The following PRKCE variants were observed in gnomAD, a reference collection of about 807,000 sequenced individuals.
PRKCE encodes the protein protein kinase C epsilon type.
Under a neutral mutation model 85.4 loss-of-function variants are expected in PRKCE, and 16 were observed. The observed-to-expected ratio is 0.19, with a 90% CI of 0.13 to 0.28. The LOEUF is 0.28. Among genes scored for constraint, PRKCE ranks in the 10% least tolerant of loss-of-function variants. The probability of loss-of-function intolerance (pLI) is 1.00; values close to 1 mark genes in which losing one functional copy is unlikely to be tolerated. For synonymous variants in PRKCE, 388 were observed against 371.5 expected (o/e 1.04, Z -0.51); for missense variants, 573 against 975.2 (o/e 0.59, Z 5.49).
chr2:45,870,236 G>A (rs749918649), intron 2 of PRKCE, among the ~76,000 whole-genome samples: 1 of 152,176 alleles, frequency 6.6e-6, no homozygotes, highest in African/African-American at 2.4e-5. Flanking sequence ...GGTTGACTAG[G>A]TTGCTAGAAA....
chr2:45,761,461 C>T (rs1684494836), intron 1 of PRKCE, among the ~76,000 whole-genome samples: 2 of 151,880 alleles, frequency 1.3e-5, no homozygotes, highest in South Asian at 4.2e-4. Context: ...TTACCTACAA[C>T]ACTTATGTCA....
At chr2:45,669,719 A>G (rs1676068433) in intron 1 of PRKCE, among the ~76,000 whole-genome samples, 1 of 152,226 alleles carries the variant, frequency 6.6e-6, no homozygotes, top group Admixed American at 6.5e-5. Flanking sequence ...TGAAAATTAA[A>G]ATGTATATCG....
intron 1 of PRKCE, among the ~76,000 whole-genome samples, chr2:45,758,869 T>C (rs1684214980): frequency 6.6e-6 from 1 of 152,220 alleles, no homozygotes. Flanking sequence ...CTCAGCCTCC[T>C]CACCTGTAAA....
intron 14 of PRKCE, among the ~76,000 whole-genome samples, chr2:46,161,012 CA>C (rs1320454657): frequency 2.6e-5 from 4 of 152,238 alleles, no homozygotes; most frequent in African/African-American, 9.6e-5. Context: ...CTGGATAGCA[CA>C]AGCTTGGGAC....
intron 2 of PRKCE, among the ~76,000 whole-genome samples, chr2:45,960,826 C>T (rs916894403): frequency 2.0e-5 from 3 of 152,226 alleles, no homozygotes; most frequent in African/African-American, 7.2e-5. Context: ...TCCTGCCTCA[C>T]TCTCCTTGCA....
At chr2:45,747,441 A>G (rs114501040) in intron 1 of PRKCE, among the ~76,000 whole-genome samples, 2,481 of 152,334 alleles carry the variant, frequency 0.016, 40 homozygotes, top group Middle Eastern at 0.044. Flanking sequence ...GCTACCTCAC[A>G]TAAGTGGGAT....
intron 14 of PRKCE, among the ~76,000 whole-genome samples, chr2:46,172,288 G>A (rs1039308810): frequency 6.6e-5 from 10 of 152,208 alleles, no homozygotes; most frequent in African/African-American, 2.2e-4. Context: ...GGCACTTAGC[G>A]ACATATCCAG....
intron 10 of PRKCE, among the ~76,000 whole-genome samples, chr2:46,012,304 C>T (rs1705751728): frequency 6.6e-6 from 1 of 151,178 alleles, no homozygotes. Context: ...CTTTTCTTTT[C>T]CTTTTTTTTT....
intron 2 of PRKCE, among the ~76,000 whole-genome samples, chr2:45,872,752 T>C (rs1233459745): frequency 6.6e-6 from 1 of 152,202 alleles, no homozygotes; most frequent in Non-Finnish European, 1.5e-5. Context: ...TTAACTGATA[T>C]GGGCCAGACC....
At chr2:46,126,001 C>A (rs35744969) in intron 11 of PRKCE, among the ~76,000 whole-genome samples, 36,366 of 152,128 alleles carry the variant, frequency 0.24, 4,598 homozygotes, top group Middle Eastern at 0.38. Flanking sequence ...GACCGCCAAG[C>A]CAGAGCCCTA....
intron 1 of PRKCE, among the ~76,000 whole-genome samples, chr2:45,771,023 A>C: frequency 6.6e-6 from 1 of 152,140 alleles, no homozygotes; most frequent in Non-Finnish European, 1.5e-5. Context: ...TGTTCCCTCC[A>C]AGCGTACTTT....
rs76145422 is a variant in PRKCE, at chr2:45,958,950, T to C, written c.413-17479T>C. 4.6e-3 allele frequency among the ~76,000 whole-genome samples: 686 copies of C among 148,328 alleles called. 5 individuals carry two copies. The highest frequency in any genetic ancestry group is 0.016 in the African/African-American group (660 of 40,354). On this transcript the variant is annotated intron_variant, in intron 2 of 14. Transcript: ENST00000306156. ...CTGATCTCTAGAAAGGTCTTCAGGC[T>C]AGCTATTAACATCAGAAAGAGCCAC...
chr2:45,984,555 G>A lies in PRKCE; in HGVS notation c.698G>A (p.Gly233Asp). Residue 233 changes from glycine (G) to aspartate (D), a missense_variant, in exon 6 of 15, where the codon GGC becomes GAC. By Grantham distance (94) the Gly-to-Asp change is moderately conservative. This residue lies in a region of PRKCE where 18 missense variants were observed against 17.4 expected (regional missense o/e 1.04). Transcript: ENST00000306156. ...TGTATCTTGCCATCCCTGCAGGTGGGCTCCCAGCGGTTCAGCGTCAACATG... is the reference window on the plus strand; with the variant it reads ...TGTATCTTGCCATCCCTGCAGGTGGACTCCCAGCGGTTCAGCGTCAACATG... ...LKKQETPDQVGSQRFSVNMPH... is the reference protein window; with the variant it reads ...LKKQETPDQVDSQRFSVNMPH... The A allele has an allele frequency of 6.3e-7, 1 of 1,599,580 alleles. No homozygotes were observed. Among genetic ancestry groups the A allele is most frequent in the Non-Finnish European group, 8.5e-7 (1 of 1,179,828 alleles).
chr2:45,692,304 C>G (rs1442792516), intron 1 of PRKCE, among the ~76,000 whole-genome samples: 1 of 152,150 alleles, frequency 6.6e-6, no homozygotes, highest in African/African-American at 2.4e-5. Context: ...GCCATGTTCC[C>G]TCTGAAACAT....
intron 2 of PRKCE, among the ~76,000 whole-genome samples, chr2:45,919,790 G>C (rs1333146246): frequency 1.3e-5 from 2 of 152,218 alleles, no homozygotes; most frequent in African/African-American, 4.8e-5. Context: ...CATGTGTGGA[G>C]TCCCTTCTGC....
chr2:46,169,269 T>G (rs1678652350), intron 14 of PRKCE, among the ~76,000 whole-genome samples: 1 of 152,212 alleles, frequency 6.6e-6, no homozygotes, highest in Admixed American at 6.5e-5. Flanking sequence ...AGAATTAGGT[T>G]TGGCCTAAAC....
Position 46,004,602 on chromosome 2 carries a change from C to T in PRKCE, c.1027C>T (p.Arg343Ter). The T allele has an allele frequency of 6.3e-7, 1 of 1,591,138 alleles. No homozygotes were observed. The highest frequency in any genetic ancestry group is 8.5e-7 in the Non-Finnish European group (1 of 1,175,992). ...ASGSSPSEEDRSKSAPTSPCD... is the reference protein window; with the variant it reads ...ASGSSPSEED ...TGGAAGCTCACCATCTGAGGAAGAT[C>T]GATCCAAGTCAGCACCCACCTCCCC... is the stretch of plus-strand genomic sequence containing the variant. The change falls in exon 8 of 15, where the codon CGA (arginine) becomes TGA (stop). Residue 343 changes from arginine (R) to a stop codon, truncating the protein, a stop_gained. Transcript: ENST00000306156. LOFTEE classifies it high-confidence loss of function. The surrounding 1 kb of genome is among the most constrained non-coding windows in gnomAD (Gnocchi z 4.1).
chr2:46,050,026 A>G (rs540814062), intron 10 of PRKCE, among the ~76,000 whole-genome samples: 1 of 152,250 alleles, frequency 6.6e-6, no homozygotes, highest in South Asian at 2.1e-4. Flanking sequence ...GGAAACCTAA[A>G]GTTCTTGCAG....
In PRKCE at chr2:45,697,574, T is replaced by C. The variant is rs1308172600; in HGVS notation, c.348+45126T>C. Among the ~76,000 whole-genome samples, 1 of 152,114 alleles carries C rather than the reference T, an allele frequency of 6.6e-6. No individual in the cohort carries two copies. The highest frequency in any genetic ancestry group is 1.9e-4 in the East Asian group (1 of 5,190). ...GGGTGGACTGGTTGGCATCTCTATGTGGGTGGCATCTCTAGCTCTTTCTTT... is the reference window on the plus strand; with the variant it reads ...GGGTGGACTGGTTGGCATCTCTATGCGGGTGGCATCTCTAGCTCTTTCTTT... On this transcript the variant is annotated intron_variant, in intron 1 of 14. Coordinates refer to ENST00000306156, the MANE Select transcript of PRKCE (RefSeq NM_005400.3). This position sits in a 1 kb window ranked among gnomAD's most constrained non-coding sequence, Gnocchi z 4.2.
Sources: allele counts gnomAD v4.1 joint callset (sites outside exome capture counted in the v4.1 genomes callset), GRCh38; gene constraint gnomAD v4.1.1; regional missense constraint gnomAD v4.1.1; non-coding constraint Gnocchi (gnomAD v3.1); transcripts MANE v1.5; gene names NCBI Gene and HGNC (gene_info 2026-07-23, HGNC 2026-07-21).